MTOR: variants seen among roughly 807,000 people sequenced by gnomAD.
The protein encoded by MTOR is serine/threonine-protein kinase mTOR.
In MTOR, 70 loss-of-function variants were observed where a neutral mutation model predicts 319.8. The ratio of observed to expected loss-of-function variants is 0.22; its 90% CI spans 0.18 to 0.27. MTOR has a LOEUF of 0.27. MTOR is among the 10% of genes least tolerant of loss of function. The pLI is 1.00. For synonymous variants in MTOR, 1,183 were observed against 1,211.4 expected, an observed-to-expected ratio of 0.98 and a Z score of 0.49; for missense variants, 1,890 against 3,274.4, an observed-to-expected ratio of 0.58 and a Z score of 10.32.
At chr1:11,233,243 T>C in intron 15 of MTOR, 155 bp downstream of exon 15, 1 of 812,328 alleles carries the variant, frequency 1.2e-6, no homozygotes, top group South Asian at 1.6e-5. Context: ...ATATATTATT[T>C]CTCTCTGAAT....
Position 11,133,886 on chromosome 1 carries a change from T to C in MTOR, c.5246+465A>G, listed in dbSNP as rs1223454501. On this transcript the variant is annotated intron_variant, in intron 37 of 57. Transcript: ENST00000361445. The surrounding 1 kb of genome is among the most constrained non-coding windows in gnomAD (Gnocchi z 4.0). ...ACCAGCCTGGGCAACATTAAACTTG[T>C]AGGAGGAAATGCAGGCTCTATGCCT... is the stretch of plus-strand genomic sequence containing the variant. 6.6e-6 allele frequency among the ~76,000 whole-genome samples: 1 copy of C among 152,022 alleles called. No homozygotes were observed. Among genetic ancestry groups the C allele is most frequent in the Non-Finnish European group, 1.5e-5 (1 of 67,986 alleles).
chr1:11,167,412 C>A, intron 29 of MTOR, 30 bp downstream of exon 29: 5 of 1,591,572 alleles, frequency 3.1e-6, no homozygotes, highest in Non-Finnish European at 4.3e-6. Context: ...TCTCTACCTC[C>A]TGCTTTTCCA....
At chr1:11,220,736 AAC>A (rs1646634587) in intron 19 of MTOR, among the ~76,000 whole-genome samples, 1 of 152,224 alleles carries the variant, frequency 6.6e-6, no homozygotes, top group South Asian at 2.1e-4. Context: ...TCCAGATGGG[AAC>A]ACAGTCCTGT....
At chr1:11,169,571 T>C (rs1202136599) in intron 28 of MTOR, among the ~76,000 whole-genome samples, 1 of 152,254 alleles carries the variant, frequency 6.6e-6, no homozygotes, top group Non-Finnish European at 1.5e-5. Flanking sequence ...CCACATGTGA[T>C]GGTAAAAACC....
chr1:11,199,124 C>T lies in MTOR; in HGVS notation c.4253+134G>A. On this transcript the variant is annotated intron_variant, in intron 28 of 57. Transcript: ENST00000361445. This position sits in a 1 kb window ranked among gnomAD's most constrained non-coding sequence, Gnocchi z 4.5. ...CATCTGCAACAACATGTCATTTAAACATGCTGGCCAGACCCAGAGGCAGAT... is the reference window on the plus strand; with the variant it reads ...CATCTGCAACAACATGTCATTTAAATATGCTGGCCAGACCCAGAGGCAGAT... The T allele has an allele frequency of 1.8e-6, 2 of 1,104,994 alleles. No individual in the cohort carries two copies. Among genetic ancestry groups the T allele is most frequent in the Non-Finnish European group, 2.6e-6 (2 of 762,582 alleles). 68.4% of individuals were successfully genotyped at this position (1,104,994 alleles called of 1,614,324 possible). A position where few individuals can be genotyped will look rare whatever the true frequency, so the allele number is the denominator to read the frequency against.
At chr1:11,187,331 GGGAGATGGGGGATGGT>G (rs1645353565) in intron 28 of MTOR, among the ~76,000 whole-genome samples, 1 of 151,550 alleles carries the variant, frequency 6.6e-6, no homozygotes, top group Non-Finnish European at 1.5e-5. Flanking sequence ...GGTGGGGGTG[GGGAGATGGGGGATGGT>G]TTTGAGGTAA....
chr1:11,160,225 C>T (rs1180935588), intron 29 of MTOR, among the ~76,000 whole-genome samples: 6 of 152,036 alleles, frequency 3.9e-5, no homozygotes, highest in Admixed American at 6.6e-5. Flanking sequence ...TTCAGCCTCC[C>T]GAGTAGCTGT....
Position 11,247,971 on chromosome 1 carries a change from C to G in MTOR, c.964G>C (p.Val322Leu). The G allele has an allele frequency of 1.9e-6, 3 of 1,614,178 alleles. No individual in the cohort carries two copies. Among genetic ancestry groups the G allele is most frequent in the Non-Finnish European group, 2.5e-6 (3 of 1,180,028 alleles). The change falls in exon 7 of 58, where the codon GTA (valine) becomes CTA (leucine). Residue 322 changes from valine (V) to leucine (L), a missense_variant. Coordinates refer to ENST00000361445, the MANE Select transcript of MTOR (RefSeq NM_004958.4). ...HITPFTSFQA[V>L]QPQQSNALVG... is the part of the protein sequence containing the mutation. ...AAGGCATTTGACTGCTGGGGCTGTA[C>G]AGCCTGGAAACTGGTGAAGGGGGTA...
intron 34 of MTOR, among the ~76,000 whole-genome samples, chr1:11,140,558 C>T (rs1311128807): frequency 6.6e-6 from 1 of 152,242 alleles, no homozygotes. Context: ...CCCTTAGGGG[C>T]GTCTCAGCAG....
At chr1:11,195,510 T>C (rs1196494562) in intron 28 of MTOR, 1 of 154,408 alleles carries the variant, frequency 6.5e-6, no homozygotes, top group Non-Finnish European at 1.4e-5. Context: ...TTTCTATTTT[T>C]AAATCCAGTG....
chr1:11,107,721 T>G (rs1148481), intron 57 of MTOR, among the ~76,000 whole-genome samples: 1,759 of 152,248 alleles, frequency 0.012, 50 homozygotes, highest in African/African-American at 0.04. Flanking sequence ...CTCTCAAGTT[T>G]CTGCCTTCAA....
chr1:11,241,435 G>T, intron 10 of MTOR, 118 bp downstream of exon 10: 1 of 1,286,222 alleles, frequency 7.8e-7, no homozygotes, highest in Non-Finnish European at 1.0e-6. Flanking sequence ...TTTAGTCTAA[G>T]CTATCCTGTC....
Position 11,133,029 on chromosome 1 carries a change from A to C in MTOR, c.5364+51T>G. 1 of 1,493,274 alleles carries C rather than the reference A, an allele frequency of 6.7e-7. No individual in the cohort carries two copies. The allele number at this position is 1,493,274 out of a possible 1,614,324, so 92.5% of individuals were successfully genotyped here. A position where few individuals can be genotyped will look rare whatever the true frequency, so the allele number is the denominator to read the frequency against. On this transcript the variant is annotated intron_variant, in intron 38 of 57. Transcript: ENST00000361445. The surrounding 1 kb of genome is among the most constrained non-coding windows in gnomAD (Gnocchi z 4.0). ...GCTGTAACCACGAGCACACAGGAGG[A>C]CACGAGCCAGCCAGGGTGCTGGGTC...
Position 11,215,991 on chromosome 1 carries a change from TCCC to T in MTOR, c.3117+154_3117+156del, listed in dbSNP as rs1383988019. Among the ~76,000 whole-genome samples the T allele has an allele frequency of 9.9e-5, 15 of 152,178 alleles. No homozygotes were observed. In the East Asian group the frequency reaches 1.9e-3, roughly 20 times the overall value. On this transcript the variant is annotated intron_variant, in intron 20 of 57. Coordinates refer to ENST00000361445, the MANE Select transcript of MTOR (RefSeq NM_004958.4). ...GGGAACCTGGAGCAACAGCCCTTCCTCCCCCTCAAAATCCAGTGGGCTTTGTTC... is the reference window on the plus strand; with the variant it reads ...GGGAACCTGGAGCAACAGCCCTTCCTCCTCAAAATCCAGTGGGCTTTGTTC...
In MTOR at chr1:11,106,881, G is replaced by C. The variant is rs1367360944; in HGVS notation, c.*604C>G. 5 of 1,355,728 alleles carry C rather than the reference G, an allele frequency of 3.7e-6. No homozygotes were observed. In the South Asian group the frequency reaches 5.1e-5, roughly 14 times the overall value. The allele number at this position is 1,355,728 out of a possible 1,614,324, so 84.0% of individuals were successfully genotyped here. ...ACCTCCCTACTAGCGGTCAGGTCTT[G>C]AATTGAAGCGTGTGAGTCGCAGCAT... is the stretch of plus-strand genomic sequence containing the variant. On this transcript the variant is annotated 3_prime_UTR_variant, in exon 58 of 58. Coordinates refer to ENST00000361445, the MANE Select transcript of MTOR (RefSeq NM_004958.4).
At chr1:11,249,432 T>C (rs916861918) in intron 6 of MTOR, among the ~76,000 whole-genome samples, 4 of 151,848 alleles carry the variant, frequency 2.6e-5, no homozygotes, top group African/African-American at 9.7e-5. Flanking sequence ...TATTTATTTA[T>C]TTTTTATTGA....
chr1:11,171,256 C>G (rs1346599642), intron 28 of MTOR, among the ~76,000 whole-genome samples: 1 of 151,292 alleles, frequency 6.6e-6, no homozygotes, highest in Non-Finnish European at 1.5e-5. Flanking sequence ...ATCTTGTGCT[C>G]TGGAAAACAT....
At chr1:11,216,436 T>C (rs552610090) in intron 19 of MTOR, among the ~76,000 whole-genome samples, 9 of 152,140 alleles carry the variant, frequency 5.9e-5, no homozygotes, top group Non-Finnish European at 1.3e-4. Flanking sequence ...GGAGGACTGC[T>C]TGAGGCCAAG....
chr1:11,166,845 C>A (rs1166941526), intron 29 of MTOR, among the ~76,000 whole-genome samples: 4 of 152,134 alleles, frequency 2.6e-5, no homozygotes, highest in Admixed American at 2.6e-4. Flanking sequence ...GGAACCAACC[C>A]AAATGTCCAT....
Sources: gnomAD v4.1 joint callset for allele counts (sites outside exome capture counted in the v4.1 genomes callset) on GRCh38, gnomAD v4.1.1 for gene constraint, Gnocchi (gnomAD v3.1) non-coding constraint, MANE v1.5 for transcripts, NCBI Gene and HGNC (gene_info 2026-07-23, HGNC 2026-07-21) for gene names.